The following ARL10 variants were observed in gnomAD, a reference collection of about 807,000 sequenced individuals.
ARL10 encodes ADP-ribosylation factor-like protein 10.
ARL10 carries 23 observed loss-of-function variants against 26.1 expected under a neutral mutation model. The observed-to-expected ratio is 0.88, with a 90% CI of 0.63 to 1.25. The LOEUF (loss-of-function observed/expected upper bound fraction) is 1.25, where lower values mean the gene tolerates loss of function less well. ARL10 is among the 50% of genes most tolerant of loss of function. ARL10 has a pLI of 0.00. For synonymous variants in ARL10, 138 were observed against 149.1 expected (o/e 0.93, Z 0.54); for missense variants, 300 against 323.6 (o/e 0.93, Z 0.56).
downstream of ARL10, among the ~76,000 whole-genome samples, chr5:176,383,089 G>A (rs1235566161): frequency 6.6e-6 from 1 of 152,168 alleles, no homozygotes; most frequent in Non-Finnish European, 1.5e-5. Context: ...GGGGAAGACA[G>A]CAAGCAGAAA....
At position 176,395,790 on chromosome 5, in the gene ARL10, G is replaced by A. The variant is rs1012650518; in HGVS notation, c.134-5951G>A. Among the ~76,000 whole-genome samples the A allele has an allele frequency of 1.3e-4, 20 of 152,298 alleles. No individual in the cohort carries two copies. The East Asian group carries it at 3.7e-3, about 28-fold the overall frequency. On this transcript the variant is annotated intron_variant, in intron 1 of 1. Coordinates refer to the ARL10 transcript ENST00000514533. Reference sequence around the variant, plus strand: ...TGGATGTCACAAAGGAGCAGCTCTTGTCCTTTACATGCCTCCAGCATCCCA... The same window carrying A: ...TGGATGTCACAAAGGAGCAGCTCTTATCCTTTACATGCCTCCAGCATCCCA...
At chr5:176,388,818 A>C (rs750360319), downstream of ARL10, 3 of 1,613,558 alleles carry the variant, frequency 1.9e-6, no homozygotes, top group South Asian at 1.1e-5. Context: ...TGTGGCCCGG[A>C]CATGGCGACT....
Position 176,366,432 on chromosome 5 carries a change from A to AGGTGCT in ARL10, c.245_250dup (p.Val82_Leu83dup), listed in dbSNP as rs1386545155. Reference sequence around the variant, plus strand: ...GCGCTGGAGGAGCTGGAACAGCGCGAGGTGCTGGTGCTGGGGCTGGATGGC... The same window carrying AGGTGCT: ...GCGCTGGAGGAGCTGGAACAGCGCGAGGTGCTGGTGCTGGTGCTGGGGCTGGATGGC... On this transcript the variant is annotated inframe_insertion, in exon 2 of 4. Coordinates refer to ENST00000310389, the MANE Select transcript of ARL10 (RefSeq NM_173664.6). 4 of 1,613,226 alleles carry AGGTGCT rather than the reference A, an allele frequency of 2.5e-6. No individual in the cohort carries two copies. In the East Asian group the frequency reaches 6.7e-5, roughly 27 times the overall value.
At chr5:176,387,808 G>A (rs754990872) in intron 1 of ARL10, among the ~76,000 whole-genome samples, 9 of 152,160 alleles carry the variant, frequency 5.9e-5, no homozygotes, top group Non-Finnish European at 1.3e-4. Context: ...ACGCTGAGGT[G>A]GGATATAGCT....
intron 1 of ARL10, chr5:176,388,187 G>A (rs1248980844): frequency 1.4e-6 from 2 of 1,383,056 alleles, no homozygotes; most frequent in East Asian, 2.3e-5. Flanking sequence ...TCAGTATGGC[G>A]GGGGAAGAGT....
At chr5:176,395,890 T>C (rs916351360) in intron 1 of ARL10, among the ~76,000 whole-genome samples, 2 of 152,168 alleles carry the variant, frequency 1.3e-5, no homozygotes, top group African/African-American at 2.4e-5. Context: ...ATCCCAGCAC[T>C]TTGGGAGGCC....
downstream of ARL10, among the ~76,000 whole-genome samples, chr5:176,390,480 A>T (rs954598167): frequency 1.3e-5 from 2 of 152,024 alleles, no homozygotes; most frequent in Non-Finnish European, 2.9e-5. Flanking sequence ...GCCAGGCTGG[A>T]GTGCAGTGGC....
intron 3 of ARL10, among the ~76,000 whole-genome samples, chr5:176,370,386 C>G (rs1220289954): frequency 2.6e-5 from 4 of 152,216 alleles, no homozygotes; most frequent in African/African-American, 9.7e-5. Context: ...TCAGGTGAAA[C>G]TGCCAGAGTA....
chr5:176,392,838 C>T, downstream of ARL10: 2 of 1,614,264 alleles, frequency 1.2e-6, no homozygotes, highest in Middle Eastern at 1.6e-4. The surrounding 1 kb of genome is among the most constrained non-coding windows in gnomAD (Gnocchi z 5.2). Context: ...CACATCTTTG[C>T]ACTGCTTGCT....
chr5:176,384,741 C>A, downstream of ARL10: 1 of 354,848 alleles, frequency 2.8e-6, no homozygotes, highest in South Asian at 5.1e-5. Flanking sequence ...CTGAACTCCA[C>A]CCTGGGTGAC....
chr5:176,393,550 G>A (rs543442706), downstream of ARL10, among the ~76,000 whole-genome samples: 5 of 152,232 alleles, frequency 3.3e-5, no homozygotes, highest in African/African-American at 4.8e-5. The surrounding 1 kb of genome is among the most constrained non-coding windows in gnomAD (Gnocchi z 4.4). Flanking sequence ...TGTGTGCGTC[G>A]TGACCCTCCA....
rs368182001 is a variant in ARL10, at chr5:176,366,439, G to A, written c.243G>A (p.Leu81=). 3.1e-6 allele frequency: 5 copies of A among 1,613,476 alleles called. No homozygotes were observed. Among genetic ancestry groups the A allele is most frequent in the African/African-American group, 1.3e-5 (1 of 75,068 alleles). Residue 81 remains leucine, a synonymous_variant, in exon 2 of 4, where the codon CTG becomes CTA. Transcript: ENST00000310389. The stretch of plus-strand genomic sequence containing the variant: ...AGGAGCTGGAACAGCGCGAGGTGCT[G>A]GTGCTGGGGCTGGATGGCGCAGGCA... ...ALEELEQREV[L]VLGLDGAGKS...
chr5:176,397,634 T>C, intron 1 of ARL10: 1 of 1,610,006 alleles, frequency 6.2e-7, no homozygotes, highest in Non-Finnish European at 8.5e-7. Flanking sequence ...CTTCTCTACT[T>C]GTTCACTCTG....
downstream of ARL10, chr5:176,384,280 C>T (rs987270358): frequency 5.6e-6 from 9 of 1,614,228 alleles, no homozygotes; most frequent in Admixed American, 1.0e-4. Flanking sequence ...GAAGTCTTGC[C>T]ACTCTGCTGG....
At chr5:176,406,572 G>A, downstream of ARL10, 1 of 1,288,934 alleles carries the variant, frequency 7.8e-7, no homozygotes. Context: ...TGCAGAGGTG[G>A]GGAGGCGGAG....
downstream of ARL10, chr5:176,388,746 C>T (rs745816014): frequency 7.0e-6 from 11 of 1,560,886 alleles, no homozygotes; most frequent in Non-Finnish European, 9.5e-6. Context: ...TATTCGTTTC[C>T]CCGCCCCTTT....
the ARL10 span, among the ~76,000 whole-genome samples, chr5:176,408,396 C>T: frequency 2.6e-5 from 4 of 151,866 alleles, no homozygotes; most frequent in Non-Finnish European, 4.4e-5. Flanking sequence ...ATTAGCTAGG[C>T]GTGGTGGCGG....
intron 2 of ARL10, chr5:176,367,820 C>T (rs1408893634): frequency 1.4e-5 from 7 of 499,238 alleles, no homozygotes; most frequent in Non-Finnish European, 3.9e-6. Flanking sequence ...AGCCACTTTC[C>T]CTTTTTTCTG....
chr5:176,388,361 C>A, exon 2 of ARL10: 1 of 1,613,384 alleles, frequency 6.2e-7, no homozygotes, highest in Non-Finnish European at 8.5e-7. Flanking sequence ...CAAAGAGAGA[C>A]ATCGCGGATC....
Sources: gnomAD v4.1 joint callset for allele counts (sites outside exome capture counted in the v4.1 genomes callset) on GRCh38, gnomAD v4.1.1 for gene constraint, Gnocchi (gnomAD v3.1) non-coding constraint, MANE v1.5 for transcripts, NCBI Gene and HGNC (gene_info 2026-07-23, HGNC 2026-07-21) for gene names.